ARHGEF38: variants seen among roughly 807,000 people sequenced by gnomAD.
The protein encoded by ARHGEF38 is Rho guanine nucleotide exchange factor 38, also known as Rho guanine nucleotide exchange factor (GEF) 38.
A neutral mutation model predicts 79.9 loss-of-function variants in ARHGEF38; 79 were observed. The ratio of observed to expected loss-of-function variants is 0.99; its 90% CI spans 0.82 to 1.19. The LOEUF (loss-of-function observed/expected upper bound fraction) is 1.19, where lower values mean the gene tolerates loss of function less well. Among genes scored for constraint, ARHGEF38 ranks in the 50% most tolerant of loss-of-function variants. The probability of loss-of-function intolerance (pLI) is 0.00; values close to 1 mark genes in which losing one functional copy is unlikely to be tolerated. For missense variants in ARHGEF38, 962 were observed against 907.2 expected (o/e 1.06, Z -0.78); for synonymous variants, 366 against 328.3 (o/e 1.11, Z -1.24).
At chr4:105,588,900 C>T (rs1209795278) in intron 1 of ARHGEF38, among the ~76,000 whole-genome samples, 1 of 152,072 alleles carries the variant, frequency 6.6e-6, no homozygotes, top group Non-Finnish European at 1.5e-5. Flanking sequence ...AAATTCTTCC[C>T]TTGATTTAAA....
intron 2 of ARHGEF38, among the ~76,000 whole-genome samples, chr4:105,591,923 T>A (rs1279976128): frequency 6.6e-6 from 1 of 152,338 alleles, no homozygotes; most frequent in East Asian, 1.9e-4. Context: ...TCTGCTGTGT[T>A]TTCTTTATTT....
chr4:105,640,286 C>T (rs1337049135), intron 5 of ARHGEF38, among the ~76,000 whole-genome samples: 1 of 152,020 alleles, frequency 6.6e-6, no homozygotes, highest in Non-Finnish European at 1.5e-5. Flanking sequence ...AAAGTGATTA[C>T]TTATTTTTCT....
chr4:105,581,684 A>G (rs1405397661), intron 1 of ARHGEF38, among the ~76,000 whole-genome samples: 1 of 152,034 alleles, frequency 6.6e-6, no homozygotes, highest in Non-Finnish European at 1.5e-5. Flanking sequence ...TCATTTTTAT[A>G]TTCTCTTGTT....
intron 6 of ARHGEF38, among the ~76,000 whole-genome samples, chr4:105,648,167 T>G (rs1438962598): frequency 1.3e-5 from 2 of 152,032 alleles, no homozygotes; most frequent in Non-Finnish European, 2.9e-5. Context: ...GGATTACAGG[T>G]GTGAGCCACC....
At chr4:105,554,640 A>T (rs1725170196) in intron 1 of ARHGEF38, among the ~76,000 whole-genome samples, 1 of 152,192 alleles carries the variant, frequency 6.6e-6, no homozygotes, top group Non-Finnish European at 1.5e-5. Context: ...ACTTACTACC[A>T]ATTAGAACTT....
chr4:105,560,978 C>G (rs1044607030), intron 1 of ARHGEF38, among the ~76,000 whole-genome samples: 1 of 152,152 alleles, frequency 6.6e-6, no homozygotes, highest in African/African-American at 2.4e-5. Flanking sequence ...AATAAAAACA[C>G]ATCCCCTCCC....
chr4:105,662,562 G>T (rs556734693), intron 10 of ARHGEF38, among the ~76,000 whole-genome samples: 54 of 151,944 alleles, frequency 3.6e-4, no homozygotes, highest in Non-Finnish European at 6.9e-4. Flanking sequence ...AATCCATGTA[G>T]ATTTTATCCT....
At chr4:105,642,726 T>C (rs1729672343) in intron 5 of ARHGEF38, among the ~76,000 whole-genome samples, 1 of 152,128 alleles carries the variant, frequency 6.6e-6, no homozygotes, top group Admixed American at 6.6e-5. Flanking sequence ...CATCTGGGTT[T>C]TTGTTTTTTA....
rs976770741 is a variant in ARHGEF38, at chr4:105,560,016, T to A, written c.196+7055T>A. On this transcript the variant is annotated intron_variant, in intron 1 of 13. Transcript: ENST00000420470. ...TGCTTGAAATATTTGCAAAATGGAA[T>A]GAATTTAACTAGTTGACTCAGTAGG... is the stretch of plus-strand genomic sequence containing the variant. Among the ~76,000 whole-genome samples the A allele has an allele frequency of 3.9e-5, 6 of 152,190 alleles. No individual in the cohort carries two copies. In the East Asian group the frequency reaches 1.2e-3, roughly 29 times the overall value.
intron 2 of ARHGEF38, among the ~76,000 whole-genome samples, chr4:105,611,561 A>T (rs1008327171): frequency 6.6e-6 from 1 of 152,068 alleles, no homozygotes; most frequent in Admixed American, 6.6e-5. Flanking sequence ...TTAATAATAA[A>T]TTATTAAATA....
At chr4:105,624,995 T>C (rs573428776) in intron 3 of ARHGEF38, among the ~76,000 whole-genome samples, 1 of 152,352 alleles carries the variant, frequency 6.6e-6, no homozygotes, top group South Asian at 2.1e-4. Context: ...CCCCCTTCTC[T>C]GTATTCTAAA....
intron 1 of ARHGEF38, among the ~76,000 whole-genome samples, chr4:105,586,636 C>T (rs771484915): frequency 3.3e-5 from 5 of 152,122 alleles, no homozygotes; most frequent in African/African-American, 9.7e-5. Context: ...CCTTTGTCGA[C>T]GATCAGGAAA....
At chr4:105,572,245 T>C (rs528495509) in intron 1 of ARHGEF38, among the ~76,000 whole-genome samples, 122 of 152,322 alleles carry the variant, frequency 8.0e-4, no homozygotes, top group Middle Eastern at 3.4e-3. Flanking sequence ...ACTCTTCTTT[T>C]TTTTCCAATG....
At chr4:105,627,763 C>CGGTT (rs1410969913) in intron 3 of ARHGEF38, among the ~76,000 whole-genome samples, 4 of 152,106 alleles carry the variant, frequency 2.6e-5, no homozygotes, top group African/African-American at 9.7e-5. Flanking sequence ...TTAGACAGAG[C>CGGTT]GGTTGTCCTT....
At chr4:105,561,542 A>AT (rs1725627237) in intron 1 of ARHGEF38, 1 of 150,984 alleles carries the variant, frequency 6.6e-6, no homozygotes, top group Admixed American at 6.6e-5. Flanking sequence ...ATAGAATAGA[A>AT]AAGTTTCTTT....
chr4:105,660,203 C>T (rs753343567), intron 10 of ARHGEF38, among the ~76,000 whole-genome samples: 2 of 152,138 alleles, frequency 1.3e-5, no homozygotes, highest in Non-Finnish European at 2.9e-5. Context: ...TATAATCAGT[C>T]TCACACTCAT....
rs865913362 is a variant in ARHGEF38 at position 105,647,673 on chromosome 4, G to A, written c.875-876G>A. Among the ~76,000 whole-genome samples, 11 of 152,038 alleles carry A rather than the reference G, an allele frequency of 7.2e-5. No individual in the cohort carries two copies. The South Asian group carries it at 1.9e-3, about 26-fold the overall frequency. On this transcript the variant is annotated intron_variant, in intron 6 of 13. Transcript: ENST00000420470. ...TTGGTTTAATTCTCATCAGCAGTCT[G>A]TAAGATTGTCCATCTCCCTACACTT...
intron 3 of ARHGEF38, among the ~76,000 whole-genome samples, chr4:105,619,978 G>T (rs566966249): frequency 6.6e-6 from 1 of 152,128 alleles, no homozygotes; most frequent in Non-Finnish European, 1.5e-5. Context: ...TAGTGCCAAA[G>T]GGAGAATTTT....
intron 9 of ARHGEF38, among the ~76,000 whole-genome samples, chr4:105,656,603 G>A (rs1730336810): frequency 6.6e-6 from 1 of 152,072 alleles, no homozygotes; most frequent in African/African-American, 2.4e-5. Flanking sequence ...TGTTTCTATA[G>A]GTATTATTAT....
Sources: allele counts gnomAD v4.1 joint callset (sites outside exome capture counted in the v4.1 genomes callset), GRCh38; gene constraint gnomAD v4.1.1; transcripts MANE v1.5; gene names NCBI Gene and HGNC (gene_info 2026-07-23, HGNC 2026-07-21).